Variants in HSPA12A observed in about 807,000 individuals in gnomAD.
The protein encoded by HSPA12A is heat shock 70 kDa protein 12A.
A neutral mutation model predicts 69.2 loss-of-function variants in HSPA12A; 28 were observed. The ratio of observed to expected loss-of-function variants is 0.40; its 90% CI spans 0.30 to 0.55. HSPA12A has a LOEUF of 0.55. Among genes scored for constraint, HSPA12A ranks in the 20% least tolerant of loss-of-function variants. The pLI is 0.38. For synonymous variants in HSPA12A, 345 were observed against 370.5 expected (o/e 0.93, Z 0.79); for missense variants, 686 against 900.7 (o/e 0.76, Z 3.05).
intron 2 of HSPA12A, among the ~76,000 whole-genome samples, chr10:116,796,163 A>AAGAAAG (rs1554893392): frequency 7.2e-6 from 1 of 138,888 alleles, no homozygotes; most frequent in African/African-American, 3.1e-5. Flanking sequence ...AAAAAAAAAA[A>AAGAAAG]AAAGAAAGAA....
intron 2 of HSPA12A, among the ~76,000 whole-genome samples, chr10:116,759,655 C>T (rs895431409): frequency 6.6e-5 from 10 of 152,118 alleles, no homozygotes; most frequent in Admixed American, 6.5e-4. Context: ...GCATTCAGTA[C>T]TGGGGTTGCA....
intron 2 of HSPA12A, among the ~76,000 whole-genome samples, chr10:116,826,598 T>G (rs550641431): frequency 6.6e-6 from 1 of 152,292 alleles, no homozygotes; most frequent in East Asian, 1.9e-4. Context: ...CTTTCTGTTT[T>G]AAGATCTCAC....
At chr10:116,846,600 G>A (rs1396343206) in intron 1 of HSPA12A, among the ~76,000 whole-genome samples, 2 of 152,004 alleles carry the variant, frequency 1.3e-5, no homozygotes, top group African/African-American at 2.4e-5. Context: ...CGCCCGCCTC[G>A]GCTTCCCAAA....
At chr10:116,685,841 C>T (rs1554879444) in intron 6 of HSPA12A, among the ~76,000 whole-genome samples, 2 of 152,056 alleles carry the variant, frequency 1.3e-5, no homozygotes, top group Non-Finnish European at 2.9e-5. Context: ...ATACCAAATG[C>T]CTCAAAATGG....
chr10:116,836,432 C>T (rs1845711715), intron 1 of HSPA12A, among the ~76,000 whole-genome samples: 1 of 152,182 alleles, frequency 6.6e-6, no homozygotes, highest in African/African-American at 2.4e-5. Context: ...TGAACCCTTT[C>T]TCCCACTCTC....
At chr10:116,696,001 T>TGAAAAAAAAAAAAAAAA (rs1849886972) in intron 5 of HSPA12A, among the ~76,000 whole-genome samples, 1 of 18,704 alleles carries the variant, frequency 5.3e-5, no homozygotes, top group African/African-American at 2.8e-4. Flanking sequence ...AGACTCCATC[T>TGAAAAAAAAAAAAAAAA]CAAAAAAAAA....
chr10:116,778,430 C>T (rs1306840543), intron 2 of HSPA12A, among the ~76,000 whole-genome samples: 2 of 152,186 alleles, frequency 1.3e-5, no homozygotes, highest in Admixed American at 6.5e-5. Context: ...CGCCCTGACA[C>T]GGATGGGGAG....
chr10:116,690,025 T>C (rs1849691903), intron 6 of HSPA12A, among the ~76,000 whole-genome samples: 1 of 152,198 alleles, frequency 6.6e-6, no homozygotes, highest in Non-Finnish European at 1.5e-5. Context: ...TGGCATCCTG[T>C]GGCCTAGTCA....
At chr10:116,785,722 G>A (rs1334975215) in intron 2 of HSPA12A, among the ~76,000 whole-genome samples, 1 of 152,072 alleles carries the variant, frequency 6.6e-6, no homozygotes, top group African/African-American at 2.4e-5. Context: ...TGCCCTCTGA[G>A]CACTGGCATC....
At chr10:116,728,336 T>C (rs1385675617) in intron 1 of HSPA12A, among the ~76,000 whole-genome samples, 1 of 152,162 alleles carries the variant, frequency 6.6e-6, no homozygotes, top group Admixed American at 6.5e-5. Context: ...TATTCTTAAC[T>C]TACAATGGGT....
chr10:116,702,750 A>T (rs1377865875), intron 3 of HSPA12A, among the ~76,000 whole-genome samples: 4 of 152,220 alleles, frequency 2.6e-5, no homozygotes, highest in Non-Finnish European at 5.9e-5. Context: ...TACAAAAAAA[A>T]GTTAACTTTC....
At chr10:116,810,413 A>G (rs1845154596) in intron 2 of HSPA12A, among the ~76,000 whole-genome samples, 2 of 152,010 alleles carry the variant, frequency 1.3e-5, no homozygotes, top group African/African-American at 4.8e-5. Context: ...GATTTAGACG[A>G]GGGTTTTTTC....
chr10:116,674,761 C>T lies in HSPA12A; in HGVS notation c.*20G>A. 1 of 1,589,012 alleles carries T rather than the reference C, an allele frequency of 6.3e-7. No homozygotes were observed. Among genetic ancestry groups the T allele is most frequent in the Non-Finnish European group, 8.6e-7 (1 of 1,168,016 alleles). ...TGCAGATAAGTTGAGTCCAAGGGGA[C>T]AGGCAGCGGGGCGGGAGGGTTAGTA... On this transcript the variant is annotated 3_prime_UTR_variant, in exon 12 of 12. Coordinates refer to ENST00000369209, the MANE Select transcript of HSPA12A (RefSeq NM_025015.3).
At chr10:116,820,235 A>T (rs1845386321) in intron 2 of HSPA12A, among the ~76,000 whole-genome samples, 1 of 152,020 alleles carries the variant, frequency 6.6e-6, no homozygotes, top group Non-Finnish European at 1.5e-5. Context: ...ATCAAGGAAA[A>T]ATAAGAGACA....
chr10:116,707,148 TGCGC>T (rs146552482), intron 2 of HSPA12A, 48 bp downstream of exon 2: 22,078 of 964,900 alleles, frequency 0.023, 541 homozygotes, highest in African/African-American at 0.085. Context: ...TGCGCACCCA[TGCGC>T]GCACACACAC....
intron 2 of HSPA12A, among the ~76,000 whole-genome samples, chr10:116,796,154 AAAAAAAAAAAAAG>A (rs1844820711): frequency 1.7e-5 from 1 of 59,036 alleles, no homozygotes; most frequent in Non-Finnish European, 5.6e-5. Context: ...TCAAAAAAAA[AAAAAAAAAAAAAG>A]AAAGAAAGAA....
At chr10:116,835,404 A>G (rs571151742) in intron 1 of HSPA12A, 1 of 152,832 alleles carries the variant, frequency 6.5e-6, no homozygotes, top group East Asian at 1.9e-4. Context: ...TTCTTTCTCC[A>G]TTTACCTTGG....
chr10:116,689,807 A>G (rs1849684298), intron 6 of HSPA12A, among the ~76,000 whole-genome samples: 1 of 151,956 alleles, frequency 6.6e-6, no homozygotes, highest in East Asian at 1.9e-4. Context: ...GGGAAAAAAA[A>G]AAAAAAAAAC....
chr10:116,699,110 C>T (rs782191671), intron 4 of HSPA12A, among the ~76,000 whole-genome samples: 1 of 150,566 alleles, frequency 6.6e-6, no homozygotes, highest in South Asian at 2.2e-4. Context: ...TTCGAACACA[C>T]ATGGTCACGC....
Sources: allele counts gnomAD v4.1 joint callset (sites outside exome capture counted in the v4.1 genomes callset), GRCh38; gene constraint gnomAD v4.1.1; transcripts MANE v1.5; gene names NCBI Gene and HGNC (gene_info 2026-07-23, HGNC 2026-07-21).